The following ARHGEF28 variants were observed in gnomAD, a reference collection of about 807,000 sequenced individuals.
The protein encoded by ARHGEF28 is Rho guanine nucleotide exchange factor 28.
Under a neutral mutation model 206.6 loss-of-function variants are expected in ARHGEF28, and 152 were observed. The ratio of observed to expected loss-of-function variants is 0.74; its 90% CI spans 0.64 to 0.84. The LOEUF (loss-of-function observed/expected upper bound fraction) is 0.84. ARHGEF28 is among the 40% of genes least tolerant of loss of function. The pLI is 0.00. For synonymous variants in ARHGEF28, 763 were observed against 776.4 expected, an observed-to-expected ratio of 0.98 and a Z score of 0.29; for missense variants, 2,028 against 2,073.2, an observed-to-expected ratio of 0.98 and a Z score of 0.42.
chr5:73,776,256 T>A (rs943030676), intron 5 of ARHGEF28, among the ~76,000 whole-genome samples: 2 of 152,250 alleles, frequency 1.3e-5, no homozygotes, highest in Non-Finnish European at 2.9e-5. Context: ...AATTCAGTAC[T>A]GTTTCATTCT....
intron 2 of ARHGEF28, among the ~76,000 whole-genome samples, chr5:73,688,966 C>A (rs1747645374): frequency 6.6e-6 from 1 of 152,124 alleles, no homozygotes; most frequent in African/African-American, 2.4e-5. Context: ...TAATGTTTAT[C>A]TTTGTTTTCC....
chr5:73,866,993 G>A lies in ARHGEF28; in HGVS notation c.2153-883G>A, dbSNP rs142936898. 5.4e-3 allele frequency among the ~76,000 whole-genome samples: 817 copies of A among 152,284 alleles called. 12 individuals carry two copies. Among genetic ancestry groups the A allele is most frequent in the African/African-American group, 0.015 (633 of 41,562 alleles). On this transcript the variant is annotated intron_variant, in intron 18 of 35. Coordinates refer to ENST00000513042, the MANE Select transcript of ARHGEF28 (RefSeq NM_001177693.2). ...ATATTAGGTTAAGTTGGTGCAGGTA[G>A]TAACAACTGTCACATCACTCTCTTG...
intron 1 of ARHGEF28, among the ~76,000 whole-genome samples, chr5:73,675,455 G>T (rs555594001): frequency 6.6e-6 from 1 of 151,984 alleles, no homozygotes; most frequent in Non-Finnish European, 1.5e-5. Context: ...ATAAGCAGCC[G>T]GGTGTGGTGG....
intron 1 of ARHGEF28, among the ~76,000 whole-genome samples, chr5:73,683,592 T>TTATC (rs1747243290): frequency 6.6e-6 from 1 of 151,992 alleles, no homozygotes; most frequent in Admixed American, 6.6e-5. Flanking sequence ...CACATTTTGT[T>TTATC]TATCCATCCA....
intron 16 of ARHGEF28, among the ~76,000 whole-genome samples, chr5:73,860,530 C>T (rs1216655790): frequency 1.3e-5 from 2 of 152,166 alleles, no homozygotes; most frequent in East Asian, 1.9e-4. Context: ...ACCCTGGCTG[C>T]TTTAATTCCA....
intron 1 of ARHGEF28, among the ~76,000 whole-genome samples, chr5:73,683,716 A>G (rs886556237): frequency 6.6e-6 from 1 of 151,468 alleles, no homozygotes; most frequent in Non-Finnish European, 1.5e-5. Flanking sequence ...GTGTTCATGC[A>G]GCTGAACTCT....
Position 73,849,062 on chromosome 5 carries a change from A to G in ARHGEF28, c.1722A>G (p.Glu574=). 1 of 1,570,310 alleles carries G rather than the reference A, an allele frequency of 6.4e-7. No individual in the cohort carries two copies. Among genetic ancestry groups the G allele is most frequent in the Non-Finnish European group, 8.7e-7 (1 of 1,155,086 alleles). The part of the protein sequence containing the change: ...ISLGKTRLVR[E]LTVCSSSEEQ... ...TAGGAAAAACTCGTTTGGTGCGTGA[A>G]TTAACAGTATGCAGTTCAAGTGAAG... is the stretch of plus-strand genomic sequence containing the variant. Residue 574 remains glutamate (E), a synonymous_variant, in exon 13 of 36, where the codon GAA becomes GAG. Coordinates refer to ENST00000513042, the MANE Select transcript of ARHGEF28 (RefSeq NM_001177693.2).
chr5:73,750,916 G>T (rs1241936718), intron 3 of ARHGEF28, among the ~76,000 whole-genome samples: 3 of 152,164 alleles, frequency 2.0e-5, no homozygotes, highest in African/African-American at 4.8e-5. Flanking sequence ...TCTGCTACAC[G>T]TGGAAAGAAG....
At position 73,840,513 on chromosome 5, in the gene ARHGEF28, G is replaced by A; in HGVS notation, c.1180G>A (p.Glu394Lys). 6.2e-7 allele frequency: 1 copy of A among 1,613,862 alleles called. No individual in the cohort carries two copies. The highest frequency in any genetic ancestry group is 8.5e-7 in the Non-Finnish European group (1 of 1,179,838). ...TTTGGATATCAGCTATATTAATATA[G>A]AGGGAATCACTGCCACTACCAGCCC... ...GDLDISYINIEGITATTSPES... is the reference protein window; with the variant it reads ...GDLDISYINIKGITATTSPES... The change falls in exon 11 of 36, where the codon GAG (glutamate) becomes AAG (lysine). Residue 394 changes from glutamate to lysine, a missense_variant. Around this residue, in one of 3 missense-constraint regions of ARHGEF28, gnomAD observed 1,002 missense variants for 1,015.3 expected, o/e 0.99. Coordinates refer to ENST00000513042, the MANE Select transcript of ARHGEF28 (RefSeq NM_001177693.2).
chr5:73,846,899 A>G (rs993957203), intron 12 of ARHGEF28, among the ~76,000 whole-genome samples: 8 of 152,200 alleles, frequency 5.3e-5, no homozygotes, highest in Non-Finnish European at 1.2e-4. Flanking sequence ...TAGAAGTGAT[A>G]TTTATTGAGC....
intron 13 of ARHGEF28, among the ~76,000 whole-genome samples, chr5:73,849,709 C>A (rs1437008679): frequency 6.6e-6 from 1 of 151,976 alleles, no homozygotes; most frequent in Non-Finnish European, 1.5e-5. Flanking sequence ...GAATTCAGAT[C>A]TATAAATGGA....
At chr5:73,844,624 A>T (rs573218259) in intron 11 of ARHGEF28, among the ~76,000 whole-genome samples, 91 of 137,568 alleles carry the variant, frequency 6.6e-4, no homozygotes, top group African/African-American at 2.2e-3. Context: ...ATTTCAAAAT[A>T]AAAAAAAAAG....
intron 22 of ARHGEF28, among the ~76,000 whole-genome samples, chr5:73,875,597 TA>T (rs1760417929): frequency 1.3e-5 from 2 of 151,938 alleles, no homozygotes; most frequent in African/African-American, 4.8e-5. Context: ...AATTTTTGTA[TA>T]AGGTGTAAGG....
At chr5:73,662,004 C>G (rs1346068142) in intron 1 of ARHGEF28, among the ~76,000 whole-genome samples, 1 of 151,938 alleles carries the variant, frequency 6.6e-6, no homozygotes, top group African/African-American at 2.4e-5. Flanking sequence ...AATATCTGCA[C>G]AGAACACAAA....
At chr5:73,767,662 T>A (rs1022800150) in intron 4 of ARHGEF28, among the ~76,000 whole-genome samples, 1 of 152,156 alleles carries the variant, frequency 6.6e-6, no homozygotes, top group Admixed American at 6.5e-5. Context: ...TTCAGTTTTA[T>A]AAGGGAAGCA....
At chr5:73,785,167 C>G (rs1478930877) in intron 7 of ARHGEF28, among the ~76,000 whole-genome samples, 1 of 152,182 alleles carries the variant, frequency 6.6e-6, no homozygotes, top group Non-Finnish European at 1.5e-5. Context: ...CATGAAATCC[C>G]TGATGGCAGG....
At position 73,909,491 on chromosome 5, in the gene ARHGEF28, A is replaced by G. The variant is rs772476808; in HGVS notation, c.4241A>G (p.His1414Arg). The change falls in exon 34 of 36, where the codon CAC becomes CGC. Residue 1414 changes from histidine to arginine, a missense_variant. Transcript: ENST00000513042. The stretch of plus-strand genomic sequence containing the variant: ...CAGCAGGAGGGCCTGTCTCTCGGCC[A>G]CTCTATCCTCCGAGGCGGCCCCTTG... ...LQQQEGLSLG[H>R]SILRGGPLQD... is the part of the protein sequence containing the mutation. 5.6e-6 allele frequency: 9 copies of G among 1,611,738 alleles called. No individual in the cohort carries two copies. The highest frequency in any genetic ancestry group is 1.1e-5 in the South Asian group (1 of 90,744).
chr5:73,869,913 A>G (rs984496658), intron 20 of ARHGEF28, among the ~76,000 whole-genome samples, 156 bp from the exon 21 acceptor site: 11 of 152,078 alleles, frequency 7.2e-5, no homozygotes, highest in Non-Finnish European at 1.6e-4. Context: ...CTCAAAAAAA[A>G]ACAGATGTTT....
chr5:73,921,756 C>G (rs412526), intron 35 of ARHGEF28, among the ~76,000 whole-genome samples: 2 of 152,086 alleles, frequency 1.3e-5, no homozygotes, highest in East Asian at 1.9e-4. Context: ...ACTAGAAATT[C>G]GGGAGACTCT....
Sources: gnomAD v4.1 joint callset for allele counts (sites outside exome capture counted in the v4.1 genomes callset) on GRCh38, gnomAD v4.1.1 for gene constraint, gnomAD v4.1.1 regional missense constraint, MANE v1.5 for transcripts, NCBI Gene and HGNC (gene_info 2026-07-23, HGNC 2026-07-21) for gene names.